Variants in AGAP1 observed in about 807,000 individuals in gnomAD.
AGAP1 encodes arf-GAP with GTPase, ANK repeat and PH domain-containing protein 1.
AGAP1 carries 29 observed loss-of-function variants against 105.3 expected under a neutral mutation model. The ratio of observed to expected loss-of-function variants is 0.28; its 90% CI spans 0.21 to 0.38. The LOEUF (loss-of-function observed/expected upper bound fraction) is 0.38, where lower values mean the gene tolerates loss of function less well. AGAP1 is among the 10% of genes least tolerant of loss of function. The pLI is 1.00. For missense variants in AGAP1, 998 were observed against 1,165.1 expected, an observed-to-expected ratio of 0.86 and a Z score of 2.09; for synonymous variants, 509 against 485.9, an observed-to-expected ratio of 1.05 and a Z score of -0.63.
intron 16 of AGAP1, among the ~76,000 whole-genome samples, chr2:236,064,701 TC>T (rs1241933653): frequency 6.6e-6 from 1 of 152,148 alleles, no homozygotes; most frequent in Non-Finnish European, 1.5e-5. Context: ...CAGGATCAGC[TC>T]CCACCAGCTG....
chr2:235,761,287 A>G (rs12469618), intron 6 of AGAP1, among the ~76,000 whole-genome samples: 42,550 of 152,070 alleles, frequency 0.28, 6,276 homozygotes, highest in Admixed American at 0.41. Flanking sequence ...TTCTCTTACT[A>G]GAAACGTTAA....
chr2:235,832,953 C>G (rs919646647), intron 9 of AGAP1, among the ~76,000 whole-genome samples: 1 of 152,252 alleles, frequency 6.6e-6, no homozygotes, highest in African/African-American at 2.4e-5. Flanking sequence ...AGCTAGTATC[C>G]TCTGCCACTG....
intron 3 of AGAP1, among the ~76,000 whole-genome samples, chr2:235,731,053 G>A (rs1045166543): frequency 1.3e-5 from 2 of 152,082 alleles, no homozygotes; most frequent in Non-Finnish European, 2.9e-5. Context: ...ACCTCTATCA[G>A]GACAGAGACC....
intron 6 of AGAP1, among the ~76,000 whole-genome samples, chr2:235,770,673 T>G (rs2149845286): frequency 6.6e-6 from 1 of 151,838 alleles, no homozygotes; most frequent in South Asian, 2.1e-4. Flanking sequence ...CATTTCAGAC[T>G]TTTATTTAAA....
At chr2:236,074,514 T>C (rs1039072666) in intron 16 of AGAP1, among the ~76,000 whole-genome samples, 3 of 152,186 alleles carry the variant, frequency 2.0e-5, no homozygotes, top group Admixed American at 1.3e-4. Flanking sequence ...ATTCTAAACA[T>C]TGAAAGAGTC....
Position 235,690,656 on chromosome 2 carries a change from T to G in AGAP1, c.164-18523T>G, listed in dbSNP as rs1949693037. ...CTCTGACGGGCTGGGCAGCCAGTGC[T>G]CCTGGCCCTGAATGTGTTTGAAGGA... On this transcript the variant is annotated intron_variant, in intron 1 of 17. Coordinates refer to ENST00000304032, the MANE Select transcript of AGAP1 (RefSeq NM_001037131.3). The surrounding 1 kb of genome is among the most constrained non-coding windows in gnomAD (Gnocchi z 4.1). Among the ~76,000 whole-genome samples, 1 of 152,110 alleles carries G rather than the reference T, an allele frequency of 6.6e-6. No individual in the cohort carries two copies. The highest frequency in any genetic ancestry group is 1.5e-5 in the Non-Finnish European group (1 of 68,018).
intron 11 of AGAP1, among the ~76,000 whole-genome samples, chr2:235,912,933 A>C (rs1044294989): frequency 1.3e-5 from 2 of 152,076 alleles, no homozygotes; most frequent in Non-Finnish European, 2.9e-5. Context: ...TTACGTTGTA[A>C]TTAATTGTTT....
At chr2:235,624,761 G>A (rs141252692) in intron 1 of AGAP1, among the ~76,000 whole-genome samples, 2 of 152,248 alleles carry the variant, frequency 1.3e-5, no homozygotes, top group East Asian at 1.9e-4. Flanking sequence ...TGTTGGAAGT[G>A]GGGCATGGTG....
chr2:235,692,917 T>C lies in AGAP1; in HGVS notation c.164-16262T>C, dbSNP rs77975954. 0.29 allele frequency among the ~76,000 whole-genome samples: 43,350 copies of C among 151,866 alleles called. 7,061 individuals carry two copies. The highest frequency in any genetic ancestry group is 0.44 in the East Asian group (2,258 of 5,120). The stretch of plus-strand genomic sequence containing the variant: ...AGGGAGGGAGGCAGTGAGCAGGACC[T>C]GTTGCTGTCGGTGGTGGCATCAGTG... On this transcript the variant is annotated intron_variant, in intron 1 of 17. Transcript: ENST00000304032. This position sits in a 1 kb window ranked among gnomAD's most constrained non-coding sequence, Gnocchi z 5.8.
rs1279786323 is a variant in AGAP1, at chr2:235,853,009, GA to G, written c.1051-30333del. The G allele has an allele frequency of 3.2e-6, 4 of 1,247,084 alleles. No homozygotes were observed. The African/African-American group carries it at 4.6e-5, about 14-fold the overall frequency. The allele number at this position is 1,247,084 out of a possible 1,614,324, so 77.3% of individuals were successfully genotyped here. A position where few individuals can be genotyped will look rare whatever the true frequency, so the allele number is the denominator to read the frequency against. On this transcript the variant is annotated intron_variant, in intron 9 of 17. Transcript: ENST00000304032. ...GCTGGAGAAATGGAGCGCTCCTCCA[GA>G]AAGTTCGGCAACTCACAAAAGACCC...
At chr2:235,814,374 C>G (rs903615642) in intron 9 of AGAP1, among the ~76,000 whole-genome samples, 36 of 152,212 alleles carry the variant, frequency 2.4e-4, no homozygotes, top group African/African-American at 8.4e-4. Context: ...CTCAGAAATA[C>G]AAGCTCTCCT....
At chr2:235,822,103 T>C (rs554211101) in intron 9 of AGAP1, among the ~76,000 whole-genome samples, 66 of 152,346 alleles carry the variant, frequency 4.3e-4, no homozygotes, top group Non-Finnish European at 7.5e-4. Context: ...TGAGTTCTTA[T>C]TTTTCCATTT....
rs569714928 is a variant in AGAP1, at chr2:235,524,057, A to G, written c.163+29208A>G. Among the ~76,000 whole-genome samples, 112 of 152,324 alleles carry G rather than the reference A, an allele frequency of 7.4e-4. 1 individual carries two copies. The highest frequency in any genetic ancestry group is 2.6e-3 in the African/African-American group (109 of 41,578). ...CCCCATCCTTCCAGTGGGGATGACGACAGGCATTTGCTGAGTTCCATGGGA... is the reference window on the plus strand; with the variant it reads ...CCCCATCCTTCCAGTGGGGATGACGGCAGGCATTTGCTGAGTTCCATGGGA... On this transcript the variant is annotated intron_variant, in intron 1 of 17. Transcript: ENST00000304032.
intron 9 of AGAP1, among the ~76,000 whole-genome samples, chr2:235,820,407 C>A (rs1393785752): frequency 1.3e-5 from 2 of 151,924 alleles, no homozygotes; most frequent in East Asian, 3.9e-4. Context: ...TGCCAGTGAC[C>A]CAAAATAATT....
chr2:236,105,719 G>A lies in AGAP1; in HGVS notation c.2115-14473G>A, dbSNP rs150318289. On this transcript the variant is annotated intron_variant, in intron 16 of 17. Transcript: ENST00000304032. This position sits in a 1 kb window ranked among gnomAD's most constrained non-coding sequence, Gnocchi z 4.2. ...CGCCATTCTCCCACCTCAGCCTCCC[G>A]AGTAGCTGGGACTACAGGCGCCCGC... is the stretch of plus-strand genomic sequence containing the variant. 7.9e-3 allele frequency among the ~76,000 whole-genome samples: 1,188 copies of A among 149,972 alleles called. 14 individuals carry two copies. Among genetic ancestry groups the A allele is most frequent in the African/African-American group, 0.028 (1,134 of 40,946 alleles).
rs1942157227 is a variant in AGAP1, at chr2:235,512,030, A to G, written c.163+17181A>G. Among the ~76,000 whole-genome samples the G allele has an allele frequency of 7.3e-5, 2 of 27,492 alleles. 1 individual carries two copies. Among genetic ancestry groups the G allele is most frequent in the South Asian group, 4.4e-3 (2 of 456 alleles). The allele number at this position is 27,492 out of a possible 152,430, so 18.0% of individuals were successfully genotyped here. On this transcript the variant is annotated intron_variant, in intron 1 of 17. Coordinates refer to ENST00000304032, the MANE Select transcript of AGAP1 (RefSeq NM_001037131.3). ...TGACTGTGTGAATGTGTGAGGTGTGAATGTGTGTGAATGGATGTGTGTGTG... is the reference window on the plus strand; with the variant it reads ...TGACTGTGTGAATGTGTGAGGTGTGGATGTGTGTGAATGGATGTGTGTGTG...
chr2:236,064,574 C>T (rs2058294641), intron 16 of AGAP1, among the ~76,000 whole-genome samples: 1 of 152,174 alleles, frequency 6.6e-6, no homozygotes, highest in African/African-American at 2.4e-5. Context: ...GCATTCTGGA[C>T]AACAGAGCGG....
rs548812974 is a variant in AGAP1, at chr2:236,089,176, G to A, written c.2115-31016G>A. Among the ~76,000 whole-genome samples, 90 of 152,318 alleles carry A rather than the reference G, an allele frequency of 5.9e-4. No individual in the cohort carries two copies. Among genetic ancestry groups the A allele is most frequent in the African/African-American group, 1.8e-3 (76 of 41,566 alleles). On this transcript the variant is annotated intron_variant, in intron 16 of 17. Transcript: ENST00000304032. This position sits in a 1 kb window ranked among gnomAD's most constrained non-coding sequence, Gnocchi z 5.6. Reference sequence around the variant, plus strand: ...GTCCAAGTCCAGTTTGTACATTTCTGCATGGATGAGGTCTTTTCAAAGCAC... The same window carrying A: ...GTCCAAGTCCAGTTTGTACATTTCTACATGGATGAGGTCTTTTCAAAGCAC...
At position 235,725,004 on chromosome 2, in the gene AGAP1, G is replaced by A. The variant is rs138843589; in HGVS notation, c.310+7360G>A. 8.9e-3 allele frequency among the ~76,000 whole-genome samples: 1,363 copies of A among 152,298 alleles called. 14 individuals are homozygous for A. Among genetic ancestry groups the A allele is most frequent in the African/African-American group, 0.031 (1,283 of 41,566 alleles). ...TCACCTCCTGGAGAAAGGACGTCTC[G>A]TTTCCAGCATGTCGGGGGTCAGGCT... is the stretch of plus-strand genomic sequence containing the variant. On this transcript the variant is annotated intron_variant, in intron 3 of 17. Coordinates refer to ENST00000304032, the MANE Select transcript of AGAP1 (RefSeq NM_001037131.3). This position sits in a 1 kb window ranked among gnomAD's most constrained non-coding sequence, Gnocchi z 5.7.
Sources: gnomAD v4.1 joint callset for allele counts (sites outside exome capture counted in the v4.1 genomes callset) on GRCh38, gnomAD v4.1.1 for gene constraint, Gnocchi (gnomAD v3.1) non-coding constraint, MANE v1.5 for transcripts, NCBI Gene and HGNC (gene_info 2026-07-23, HGNC 2026-07-21) for gene names.